Variants in LRCH1 observed in about 807,000 individuals in gnomAD.
The protein encoded by LRCH1 is leucine-rich repeat and calponin homology domain-containing protein 1.
LRCH1 carries 23 observed loss-of-function variants against 94.9 expected under a neutral mutation model. The observed-to-expected ratio is 0.24, with a 90% confidence interval of 0.17 to 0.34. LRCH1 has a LOEUF of 0.34. Among genes scored for constraint, LRCH1 ranks in the 10% least tolerant of loss-of-function variants. The pLI, the probability that LRCH1 is intolerant of heterozygous loss-of-function variation, is 1.00. For synonymous variants in LRCH1, 364 were observed against 354.9 expected (o/e 1.03, Z -0.29); for missense variants, 790 against 945.9 (o/e 0.84, Z 2.16).
intron 1 of LRCH1, among the ~76,000 whole-genome samples, chr13:46,609,454 G>A (rs1410049261): frequency 5.3e-5 from 8 of 152,062 alleles, no homozygotes; most frequent in Non-Finnish European, 8.8e-5. Context: ...GGCAACGAGG[G>A]CACAAGGAAA....
In LRCH1 at chr13:46,750,655, A is replaced by G. The variant is rs780144333; in HGVS notation, c.*5A>G. On this transcript the variant is annotated 3_prime_UTR_variant, in exon 19 of 19. Coordinates refer to the LRCH1 transcript ENST00000311191. ...ACGAAGGCTCTGTTCACATGAAACTACCCCTTCTCCATTGGGGGCTCAGAC... is the reference window on the plus strand; with the variant it reads ...ACGAAGGCTCTGTTCACATGAAACTGCCCCTTCTCCATTGGGGGCTCAGAC... The G allele has an allele frequency of 7.8e-6, 12 of 1,539,364 alleles. No homozygotes were observed. In the Admixed American group the frequency reaches 1.6e-4, roughly 20 times the overall value.
chr13:46,697,191 A>G (rs1434068640), intron 9 of LRCH1, among the ~76,000 whole-genome samples: 2 of 152,226 alleles, frequency 1.3e-5, no homozygotes, highest in Non-Finnish European at 2.9e-5. Flanking sequence ...ATCACTGTGC[A>G]TATCGAATTA....
intron 10 of LRCH1, among the ~76,000 whole-genome samples, chr13:46,700,796 C>T (rs1410046233): frequency 6.6e-6 from 1 of 152,182 alleles, no homozygotes; most frequent in Non-Finnish European, 1.5e-5. Context: ...CATGCAGCCC[C>T]CTAGAACTCA....
intron 1 of LRCH1, among the ~76,000 whole-genome samples, chr13:46,616,794 C>T (rs1378343395): frequency 2.0e-5 from 3 of 152,104 alleles, no homozygotes; most frequent in African/African-American, 7.2e-5. Flanking sequence ...GGGCTGAGTC[C>T]GAAAAGAGAG....
intron 19 of LRCH1, among the ~76,000 whole-genome samples, chr13:46,738,295 A>C (rs1331752387): frequency 6.6e-6 from 1 of 152,244 alleles, no homozygotes; most frequent in Non-Finnish European, 1.5e-5. Context: ...CTTCTGCATC[A>C]GCCAAAGGGA....
chr13:46,686,848 A>T (rs955446877), intron 5 of LRCH1, among the ~76,000 whole-genome samples: 4 of 152,104 alleles, frequency 2.6e-5, no homozygotes, highest in Non-Finnish European at 4.4e-5. Flanking sequence ...ATTGCATCAA[A>T]TCCATTCACC....
chr13:46,706,389 G>A (rs1431015765), intron 13 of LRCH1, among the ~76,000 whole-genome samples: 2 of 152,094 alleles, frequency 1.3e-5, no homozygotes, highest in East Asian at 3.9e-4. Flanking sequence ...TGTTATTGGT[G>A]TGGCCTTTAA....
intron 1 of LRCH1, among the ~76,000 whole-genome samples, chr13:46,645,033 G>A (rs866112067): frequency 1.2e-4 from 18 of 152,168 alleles, no homozygotes; most frequent in African/African-American, 4.3e-4. Context: ...CACAGCCAGG[G>A]AAGAAATTAC....
In LRCH1 at chr13:46,744,447, C is replaced by T. The variant is rs1873820290; in HGVS notation, c.*2599C>T. The stretch of plus-strand genomic sequence containing the variant: ...GTCAGGAATTCCAAAATTTGTGACA[C>T]CTAATTTCTAATCATCTTTCCTATT... On this transcript the variant is annotated 3_prime_UTR_variant, in exon 20 of 20. Coordinates refer to ENST00000389797, the MANE Select transcript of LRCH1 (RefSeq NM_001164211.2). 4.1e-6 allele frequency: 4 copies of T among 985,380 alleles called. No individual in the cohort carries two copies. Among genetic ancestry groups the T allele is most frequent in the Non-Finnish European group, 3.6e-6 (3 of 829,924 alleles). 61.0% of individuals were successfully genotyped at this position (985,380 alleles called of 1,614,324 possible).
chr13:46,710,330 C>T (rs1397513448), intron 13 of LRCH1, among the ~76,000 whole-genome samples: 1 of 152,140 alleles, frequency 6.6e-6, no homozygotes, highest in East Asian at 1.9e-4. Context: ...GAGCAAGACA[C>T]CGTGGCTGTG....
intron 1 of LRCH1, among the ~76,000 whole-genome samples, chr13:46,642,799 C>T (rs1204150980): frequency 1.3e-5 from 2 of 152,142 alleles, no homozygotes; most frequent in East Asian, 1.9e-4. Context: ...TAGGTTGTGT[C>T]GTCTGCTCAC....
At chr13:46,638,758 TAAA>T (rs2051123024) in intron 1 of LRCH1, among the ~76,000 whole-genome samples, 1 of 152,188 alleles carries the variant, frequency 6.6e-6, no homozygotes, top group African/African-American at 2.4e-5. Flanking sequence ...TGTATCAAAA[TAAA>T]AAAAGTTTGA....
At chr13:46,712,438 T>TA in intron 14 of LRCH1, 87 bp from the exon 15 acceptor site, 1 of 1,056,720 alleles carries the variant, frequency 9.5e-7, no homozygotes. Context: ...GTAGTTTTGT[T>TA]ACAATCCTTG....
rs372999128 is a variant in LRCH1, at chr13:46,605,507, ACTC to A, written c.308-44667_308-44665del. 4.6e-3 allele frequency among the ~76,000 whole-genome samples: 675 copies of A among 146,764 alleles called. 2 individuals are homozygous for A. The highest frequency in any genetic ancestry group is 0.024 in the South Asian group (109 of 4,622). On this transcript the variant is annotated intron_variant, in intron 1 of 19. Transcript: ENST00000389797. ...CAGTATATGTGCTGAAGATGAGGGC[ACTC>A]CTCCTCCTCCTCCTCCTCCTCCTCC...
At chr13:46,600,130 C>T (rs925456200) in intron 1 of LRCH1, among the ~76,000 whole-genome samples, 1 of 145,980 alleles carries the variant, frequency 6.9e-6, no homozygotes. Context: ...AGGTGATCCA[C>T]CCGCCTCAGG....
At chr13:46,595,971 C>G (rs535709440) in intron 1 of LRCH1, among the ~76,000 whole-genome samples, 2 of 151,192 alleles carry the variant, frequency 1.3e-5, no homozygotes, top group Admixed American at 1.3e-4. Flanking sequence ...TCGGTCATAA[C>G]TTTAATGAAG....
intron 2 of LRCH1, among the ~76,000 whole-genome samples, chr13:46,661,132 T>C (rs1289776399): frequency 6.6e-6 from 1 of 152,172 alleles, no homozygotes; most frequent in African/African-American, 2.4e-5. Context: ...CTGGTTTACC[T>C]GTACGTTTTA....
At chr13:46,748,818 G>C (rs760500838), downstream of LRCH1, among the ~76,000 whole-genome samples, 1 of 152,218 alleles carries the variant, frequency 6.6e-6, no homozygotes, top group African/African-American at 2.4e-5. Context: ...ACTGTCTTCT[G>C]TTGACAGGGG....
chr13:46,632,129 G>A (rs1404791881), intron 1 of LRCH1, among the ~76,000 whole-genome samples: 1 of 152,068 alleles, frequency 6.6e-6, no homozygotes, highest in Non-Finnish European at 1.5e-5. Flanking sequence ...TTTGAACCTG[G>A]GAGGTAGAGT....
Sources: allele counts gnomAD v4.1 joint callset (sites outside exome capture counted in the v4.1 genomes callset), GRCh38; gene constraint gnomAD v4.1.1; transcripts MANE v1.5; gene names NCBI Gene and HGNC (gene_info 2026-07-23, HGNC 2026-07-21).